PLPPR1: variants seen among roughly 807,000 people sequenced by gnomAD.
The protein encoded by PLPPR1 is phospholipid phosphatase related 1, also known as phospholipid phosphatase-related protein type 1.
Under a neutral mutation model 33.1 loss-of-function variants are expected in PLPPR1, and 10 were observed. The observed-to-expected ratio is 0.30, with a 90% CI of 0.19 to 0.51. The LOEUF is 0.51. Among genes scored for constraint, PLPPR1 ranks in the 20% least tolerant of loss-of-function variants. PLPPR1 has a pLI of 0.97. For synonymous variants in PLPPR1, 151 were observed against 151.0 expected (o/e 1.00, Z 0.00); for missense variants, 304 against 408.1 (o/e 0.74, Z 2.20).
intron 1 of PLPPR1, among the ~76,000 whole-genome samples, chr9:101,068,537 C>T (rs1324143948): frequency 6.6e-6 from 1 of 151,922 alleles, no homozygotes; most frequent in Non-Finnish European, 1.5e-5. Flanking sequence ...TGAGATTGCT[C>T]TAATGCTGAA....
chr9:101,183,013 A>G (rs1826141698), intron 1 of PLPPR1, among the ~76,000 whole-genome samples: 1 of 151,808 alleles, frequency 6.6e-6, no homozygotes, highest in Admixed American at 6.6e-5. Flanking sequence ...GACAGTGTGG[A>G]GAAATGGGAA....
At chr9:101,049,424 C>T (rs1339949457) in intron 1 of PLPPR1, among the ~76,000 whole-genome samples, 1 of 152,094 alleles carries the variant, frequency 6.6e-6, no homozygotes, top group Non-Finnish European at 1.5e-5. Context: ...TGTCTATTCA[C>T]CTGGAAGAAT....
chr9:101,286,215 C>T lies in PLPPR1; in HGVS notation c.364C>T (p.Arg122Ter). 1.2e-6 allele frequency: 2 copies of T among 1,613,694 alleles called. No homozygotes were observed. Among genetic ancestry groups the T allele is most frequent in the Non-Finnish European group, 1.7e-6 (2 of 1,179,736 alleles). Residue 122 changes from arginine to a stop codon, truncating the protein, a stop_gained, in exon 4 of 8, where the codon CGA becomes TGA. Coordinates refer to ENST00000374874, the MANE Select transcript of PLPPR1 (RefSeq NM_207299.2). LOFTEE classifies it high-confidence loss of function. The part of the protein sequence containing the change: ...GECCYLNPLL[R>*]RIIRFTGVFA... ...ATGCTGTTACCTGAACCCCTTACTT[C>T]GAAGGATCATAAGATTCACAGGTGA...
intron 1 of PLPPR1, among the ~76,000 whole-genome samples, chr9:101,052,796 C>T (rs1438102673): frequency 6.6e-6 from 1 of 152,200 alleles, no homozygotes; most frequent in Non-Finnish European, 1.5e-5. Context: ...TTAATCAGAG[C>T]TGCAATCCAT....
In PLPPR1 at chr9:101,139,089, T is replaced by C. The variant is rs117602788; in HGVS notation, c.-45-46361T>C. On this transcript the variant is annotated intron_variant, in intron 1 of 7. Transcript: ENST00000374874. Reference sequence around the variant, plus strand: ...TAAGTATCATGTTTAATGATACCAATGTCTTCAAAGGGTGAAGAAATATAG... The same window carrying C: ...TAAGTATCATGTTTAATGATACCAACGTCTTCAAAGGGTGAAGAAATATAG... Among the ~76,000 whole-genome samples the C allele has an allele frequency of 8.1e-4, 123 of 152,296 alleles. 2 individuals carry two copies. In the East Asian group the frequency reaches 0.023, roughly 28 times the overall value.
intron 1 of PLPPR1, among the ~76,000 whole-genome samples, chr9:101,148,350 G>T (rs1831545662): frequency 6.6e-6 from 1 of 152,076 alleles, no homozygotes; most frequent in South Asian, 2.1e-4. Context: ...TACAACTCCT[G>T]CAAAAAGCTC....
intron 1 of PLPPR1, among the ~76,000 whole-genome samples, chr9:101,084,201 T>G (rs1830651743): frequency 6.6e-6 from 1 of 152,196 alleles, no homozygotes; most frequent in African/African-American, 2.4e-5. Flanking sequence ...GCTATGCTTT[T>G]GAGACCTGCT....
At chr9:101,163,461 A>C (rs2118675689) in intron 1 of PLPPR1, among the ~76,000 whole-genome samples, 1 of 152,312 alleles carries the variant, frequency 6.6e-6, no homozygotes, top group East Asian at 1.9e-4. Context: ...ATCTGGCTTC[A>C]AATCCACACC....
chr9:101,116,724 G>A (rs1321785489), intron 1 of PLPPR1, among the ~76,000 whole-genome samples: 4 of 151,370 alleles, frequency 2.6e-5, no homozygotes, highest in African/African-American at 4.9e-5. Context: ...GACAAGGTTC[G>A]CTTGAAGCTG....
At chr9:101,185,662 C>A in intron 2 of PLPPR1, 105 bp downstream of exon 2, 2 of 662,724 alleles carry the variant, frequency 3.0e-6, no homozygotes, top group South Asian at 2.2e-5. Flanking sequence ...ATTGGTAAGT[C>A]AATTTTGATA....
At chr9:101,222,079 T>A (rs1377291037) in intron 2 of PLPPR1, among the ~76,000 whole-genome samples, 1 of 152,096 alleles carries the variant, frequency 6.6e-6, no homozygotes, top group African/African-American at 2.4e-5. Context: ...ATGCATGACT[T>A]CTTTAGGTAG....
intron 1 of PLPPR1, among the ~76,000 whole-genome samples, chr9:101,054,378 G>T (rs1830258476): frequency 6.7e-6 from 1 of 150,132 alleles, no homozygotes; most frequent in Admixed American, 6.6e-5. Flanking sequence ...AATTTTTCAA[G>T]CCCCTCTCAT....
chr9:101,251,998 C>A (rs947161082), intron 2 of PLPPR1, among the ~76,000 whole-genome samples: 15 of 152,022 alleles, frequency 9.9e-5, no homozygotes, highest in Non-Finnish European at 1.9e-4. Flanking sequence ...AATAAAAAAT[C>A]CTGATGATAT....
At chr9:101,241,903 A>G (rs1185154049) in intron 2 of PLPPR1, among the ~76,000 whole-genome samples, 1 of 152,122 alleles carries the variant, frequency 6.6e-6, no homozygotes, top group Admixed American at 6.5e-5. Context: ...AATAGTTAAA[A>G]GCCCCAAATG....
At chr9:101,071,272 C>G in intron 1 of PLPPR1, among the ~76,000 whole-genome samples, 1 of 151,860 alleles carries the variant, frequency 6.6e-6, no homozygotes, top group East Asian at 1.9e-4. Context: ...GTTTAGGCAA[C>G]CAGAAGGATG....
chr9:101,124,697 T>C (rs1401848105), intron 1 of PLPPR1, among the ~76,000 whole-genome samples: 1 of 152,206 alleles, frequency 6.6e-6, no homozygotes, highest in Non-Finnish European at 1.5e-5. Flanking sequence ...GCCCACTAGA[T>C]GCTGTGGCTC....
At chr9:101,036,241 G>A (rs10115306) in intron 1 of PLPPR1, among the ~76,000 whole-genome samples, 69 of 152,126 alleles carry the variant, frequency 4.5e-4, no homozygotes, top group African/African-American at 1.7e-3. Flanking sequence ...GTGTAAAAAT[G>A]CAGGAACAGT....
chr9:101,198,606 C>T (rs1461228921), intron 2 of PLPPR1, among the ~76,000 whole-genome samples: 1 of 152,112 alleles, frequency 6.6e-6, no homozygotes, highest in Non-Finnish European at 1.5e-5. Context: ...ATTAGGAGAG[C>T]CTAGGGTCTG....
intron 1 of PLPPR1, among the ~76,000 whole-genome samples, chr9:101,133,772 A>T (rs1831345402): frequency 6.6e-6 from 1 of 152,194 alleles, no homozygotes; most frequent in African/African-American, 2.4e-5. Context: ...AAAGTGAAGA[A>T]AACTAGAGCA....
Sources: allele counts gnomAD v4.1 joint callset (sites outside exome capture counted in the v4.1 genomes callset), GRCh38; gene constraint gnomAD v4.1.1; transcripts MANE v1.5; gene names NCBI Gene and HGNC (gene_info 2026-07-23, HGNC 2026-07-21).